Variants in MED24 observed in about 807,000 individuals in gnomAD.
MED24 encodes the protein mediator complex subunit 24.
MED24 carries 74 observed loss-of-function variants against 118.8 expected under a neutral mutation model. That is an observed-to-expected ratio of 0.62 (90% confidence interval 0.52 to 0.76). MED24 has a LOEUF of 0.76. Ranked by LOEUF, MED24 falls within the 30% of genes least tolerant of loss-of-function variation. The pLI is 0.00. For synonymous variants in MED24, 521 were observed against 523.9 expected (o/e 0.99, Z 0.08); for missense variants, 1,041 against 1,278.9 (o/e 0.81, Z 2.84).
At chr17:40,028,068 G>A (rs764146921) in intron 14 of MED24, 122 bp from the exon 15 acceptor site, 371 of 987,878 alleles carry the variant, frequency 3.8e-4, no homozygotes, top group Non-Finnish European at 4.8e-4. Context: ...AACTTAAAAT[G>A]AGACACATTG....
intron 5 of MED24, 69 bp downstream of exon 5, chr17:40,035,653 G>C (rs539802125): frequency 1.3e-6 from 2 of 1,530,334 alleles, no homozygotes; most frequent in African/African-American, 1.4e-5. Flanking sequence ...CTGTGTGCTA[G>C]GAGCTGCACC....
intron 12 of MED24, among the ~76,000 whole-genome samples, chr17:40,030,311 T>C (rs1243779753): frequency 2.0e-5 from 3 of 151,980 alleles, no homozygotes; most frequent in Non-Finnish European, 2.9e-5. Context: ...CTTTTTTTTT[T>C]TTGAGACAGA....
intron 11 of MED24, 94 bp from the exon 12 acceptor site, chr17:40,031,339 C>T: frequency 7.5e-7 from 1 of 1,338,520 alleles, no homozygotes; most frequent in Non-Finnish European, 1.0e-6. Context: ...CTCCCTCTTT[C>T]AGGATGAGGA....
In MED24 at chr17:40,023,310, C is replaced by A; in HGVS notation, c.2071G>T (p.Gly691Trp). ...TTCCAGTAGGGCATTGTGTCCACCC[C>A]GGTGGAGGGAAACTTGATCTGCGTG... ...TATQIKFPSTGVDTMPYWNLL... is the reference protein window; with the variant it reads ...TATQIKFPSTWVDTMPYWNLL... The change falls in exon 20 of 26, where the codon GGG (glycine) becomes TGG (tryptophan). Residue 691 changes from glycine (G) to tryptophan (W), a missense_variant. This residue lies in a region of MED24 where 587 missense variants were observed against 694.4 expected (regional missense o/e 0.85). Coordinates refer to ENST00000394128, the MANE Select transcript of MED24 (RefSeq NM_014815.4). 1.2e-6 allele frequency: 2 copies of A among 1,614,030 alleles called. No individual in the cohort carries two copies. The highest frequency in any genetic ancestry group is 1.7e-6 in the Non-Finnish European group (2 of 1,179,962).
intron 6 of MED24, 52 bp downstream of exon 6, chr17:40,035,065 A>T: frequency 6.2e-7 from 1 of 1,610,352 alleles, no homozygotes; most frequent in Non-Finnish European, 8.5e-7. Flanking sequence ...CAATTAAAGG[A>T]CCGGCTATGG....
chr17:40,053,904 G>A (rs559632835), intron 1 of MED24: 3 of 574,672 alleles, frequency 5.2e-6, no homozygotes, highest in Non-Finnish European at 9.3e-6. Flanking sequence ...GCAGAGGCGG[G>A]CGAATCACCG....
At chr17:40,027,205 C>A in intron 16 of MED24, 171 bp from the exon 17 acceptor site, 1 of 1,078,778 alleles carries the variant, frequency 9.3e-7, no homozygotes, top group Non-Finnish European at 1.3e-6. Flanking sequence ...ACCTAGTGGT[C>A]AATGTGAACA....
chr17:40,037,587 T>C (rs1984087573), intron 3 of MED24, among the ~76,000 whole-genome samples: 1 of 152,164 alleles, frequency 6.6e-6, no homozygotes, highest in East Asian at 1.9e-4. Context: ...ACTAGCCCCA[T>C]ATGGTTATTT....
intron 12 of MED24, among the ~76,000 whole-genome samples, chr17:40,030,624 T>C (rs755760682): frequency 1.3e-5 from 2 of 151,760 alleles, no homozygotes; most frequent in Non-Finnish European, 1.5e-5. Flanking sequence ...TGAAAGCACA[T>C]TTAAGATTAA....
intron 23 of MED24, 125 bp downstream of exon 23, chr17:40,021,830 G>T: frequency 1.4e-6 from 1 of 702,926 alleles, no homozygotes; most frequent in Non-Finnish European, 2.4e-6. Context: ...TAGAACAGCA[G>T]GTCCCTGCCA....
chr17:40,031,188 C>G lies in MED24; in HGVS notation c.1125G>C (p.Glu375Asp), dbSNP rs770890658. The G allele has an allele frequency of 1.3e-6, 2 of 1,572,444 alleles. No homozygotes were observed. The highest frequency in any genetic ancestry group is 2.3e-5 in the South Asian group (2 of 85,516). ...QECGKQGLLS[E>D]ASVNNLMAKR... is the part of the protein sequence containing the mutation. ...TAGCCATAAGGTTGTTGACGCTGGC[C>G]TCAGACAGAAGCCCCTGCTTGCCAC... The change falls in exon 12 of 26, where the codon GAG becomes GAC. Residue 375 changes from glutamate to aspartate, a missense_variant. Around this residue, in one of 3 missense-constraint regions of MED24, gnomAD observed 434 missense variants for 514.9 expected, o/e 0.84. Transcript: ENST00000394128.
chr17:40,028,313 C>T (rs556464734), intron 14 of MED24, among the ~76,000 whole-genome samples: 64 of 152,098 alleles, frequency 4.2e-4, no homozygotes, highest in Middle Eastern at 3.4e-3. Context: ...AGGGTTTCAC[C>T]AAGTTGGCCA....
chr17:40,032,485 C>G (rs1013216167), intron 9 of MED24, 164 bp downstream of exon 9: 17 of 617,204 alleles, frequency 2.8e-5, no homozygotes, highest in African/African-American at 2.4e-4. Flanking sequence ...TAAATATAGC[C>G]CTGGCACTTT....
intron 14 of MED24, among the ~76,000 whole-genome samples, chr17:40,028,344 C>A (rs1469134535): frequency 6.6e-6 from 1 of 152,122 alleles, no homozygotes; most frequent in African/African-American, 2.4e-5. Context: ...GAACTCCTGA[C>A]CTCAGGTGAT....
At chr17:40,041,115 A>C (rs1258697417) in intron 3 of MED24, among the ~76,000 whole-genome samples, 4 of 152,048 alleles carry the variant, frequency 2.6e-5, no homozygotes, top group Admixed American at 2.0e-4. Context: ...AACGCACTCC[A>C]ATCACTTCTG....
chr17:40,053,390 G>A lies in MED24; in HGVS notation c.131-10C>T, dbSNP rs751995176. On this transcript the variant is annotated splice_polypyrimidine_tract_variant and intron_variant, in intron 2 of 25. Coordinates refer to ENST00000394128, the MANE Select transcript of MED24 (RefSeq NM_014815.4). ...TGCTCTAGTAACGCATCTGCAAGAG[G>A]AATAGCAAAACACAACTGAGTGATT... 6.2e-7 allele frequency: 1 copy of A among 1,613,340 alleles called. No individual in the cohort carries two copies.
At chr17:40,043,270 C>T (rs1984748128) in intron 3 of MED24, among the ~76,000 whole-genome samples, 1 of 152,160 alleles carries the variant, frequency 6.6e-6, no homozygotes, top group Admixed American at 6.6e-5. Context: ...TTCAGATTTC[C>T]CCTTCCCAGA....
At chr17:40,038,019 C>T (rs1296235878) in intron 3 of MED24, among the ~76,000 whole-genome samples, 2 of 152,098 alleles carry the variant, frequency 1.3e-5, no homozygotes, top group African/African-American at 2.4e-5. Flanking sequence ...CAGAACTTCT[C>T]GGAACCATGA....
At chr17:40,023,569 T>C in intron 19 of MED24, 174 bp from the exon 20 acceptor site, 1 of 610,702 alleles carries the variant, frequency 1.6e-6, no homozygotes, top group Non-Finnish European at 2.8e-6. Context: ...TGGCCCCTGC[T>C]CTGCTCCTGG....
Sources: gnomAD v4.1 joint callset for allele counts (sites outside exome capture counted in the v4.1 genomes callset) on GRCh38, gnomAD v4.1.1 for gene constraint, gnomAD v4.1.1 regional missense constraint, MANE v1.5 for transcripts, NCBI Gene and HGNC (gene_info 2026-07-23, HGNC 2026-07-21) for gene names.